VCPKMT: variants seen among roughly 807,000 people sequenced by gnomAD.
VCPKMT encodes the protein protein N-lysine methyltransferase METTL21D.
A neutral mutation model predicts 28.6 loss-of-function variants in VCPKMT; 32 were observed. That is an observed-to-expected ratio of 1.12 (90% CI 0.84 to 1.50). The LOEUF is 1.50. VCPKMT is among the 40% of genes most tolerant of loss of function. The probability of loss-of-function intolerance (pLI) is 0.00; values close to 1 mark genes in which losing one functional copy is unlikely to be tolerated. For synonymous variants in VCPKMT, 138 were observed against 111.4 expected, an observed-to-expected ratio of 1.24 and a Z score of -1.50; for missense variants, 366 against 285.0, an observed-to-expected ratio of 1.28 and a Z score of -2.05.
At chr14:50,112,745 C>T in intron 4 of VCPKMT, 26 bp from the exon 5 acceptor site, 2 of 1,465,964 alleles carry the variant, frequency 1.4e-6, no homozygotes, top group African/African-American at 1.4e-5. Context: ...AGACATACTT[C>T]AAATTCAATA....
At chr14:50,114,219 G>C in intron 4 of VCPKMT, 66 bp downstream of exon 4, 4 of 1,354,762 alleles carry the variant, frequency 3.0e-6, no homozygotes, top group South Asian at 4.4e-5. Flanking sequence ...TAATATACTT[G>C]AAGAGTCACA....
intron 5 of VCPKMT, among the ~76,000 whole-genome samples, chr14:50,110,860 A>G (rs887660835): frequency 3.3e-5 from 5 of 152,256 alleles, no homozygotes; most frequent in Non-Finnish European, 5.9e-5. Flanking sequence ...TACAATGTAG[A>G]TAAGGCTCGA....
At chr14:50,105,097 T>G (rs1357606821), downstream of VCPKMT, among the ~76,000 whole-genome samples, 4 of 152,186 alleles carry the variant, frequency 2.6e-5, no homozygotes, top group Admixed American at 2.6e-4. Context: ...TAGATTCTAT[T>G]TTAACAACTT....
downstream of VCPKMT, among the ~76,000 whole-genome samples, chr14:50,107,939 A>C (rs1246800838): frequency 6.6e-6 from 1 of 152,124 alleles, no homozygotes; most frequent in East Asian, 1.9e-4. Context: ...TAGTAATCCC[A>C]GCACTTTCCG....
chr14:50,108,251 A>G (rs970061078), downstream of VCPKMT, among the ~76,000 whole-genome samples: 3 of 152,004 alleles, frequency 2.0e-5, no homozygotes, highest in African/African-American at 7.2e-5. Context: ...GTGAAAAGAC[A>G]TTTAAGGAAC....
chr14:50,109,562 T>C lies in VCPKMT; in HGVS notation c.*137A>G, dbSNP rs1882496131. ...TGCAGACAGCCCCTGGTGGTCATCA[T>C]CTATACATCGGATCTCTAAGGACGT... On this transcript the variant is annotated 3_prime_UTR_variant, in exon 6 of 6. Transcript: ENST00000395860. 7.2e-7 allele frequency: 1 copy of C among 1,385,916 alleles called. No individual in the cohort carries two copies. The highest frequency in any genetic ancestry group is 1.5e-5 in the African/African-American group (1 of 66,326). 85.9% of individuals were successfully genotyped at this position (1,385,916 alleles called of 1,614,324 possible). A position where few individuals can be genotyped will look rare whatever the true frequency, so the allele number is the denominator to read the frequency against.
chr14:50,110,686 T>G (rs1005468197), intron 5 of VCPKMT, among the ~76,000 whole-genome samples: 6 of 152,212 alleles, frequency 3.9e-5, no homozygotes, highest in Non-Finnish European at 8.8e-5. Context: ...GCAGTTCTCC[T>G]CTAGGTATAT....
At position 50,115,715 on chromosome 14, in the gene VCPKMT, C is replaced by T. The variant is rs1883111702; in HGVS notation, c.450+124G>A. 1.5e-5 allele frequency: 16 copies of T among 1,092,102 alleles called. No homozygotes were observed. In the East Asian group the frequency reaches 3.6e-4, roughly 25 times the overall value. The allele number at this position is 1,092,102 out of a possible 1,614,324, so 67.7% of individuals were successfully genotyped here. ...CCTGGTGACTTTTATCTTCTCTTTA[C>T]TGCATCAACTATAAGGCAAATCCCG... On this transcript the variant is annotated intron_variant, in intron 3 of 5. Transcript: ENST00000395860.
In VCPKMT at chr14:50,108,888, C is replaced by A; in HGVS notation, c.*811G>T. On this transcript the variant is annotated 3_prime_UTR_variant, in exon 6 of 6. Coordinates refer to ENST00000395860, the MANE Select transcript of VCPKMT (RefSeq NM_024558.3). ...CTTTCACTGCTTCATGTAAACAATACCAGTATTTTTAAGCCAGATTTTCCT... is the reference window on the plus strand; with the variant it reads ...CTTTCACTGCTTCATGTAAACAATAACAGTATTTTTAAGCCAGATTTTCCT... 4.1e-6 allele frequency: 4 copies of A among 985,412 alleles called. No homozygotes were observed. The highest frequency in any genetic ancestry group is 4.8e-6 in the Non-Finnish European group (4 of 829,930). The allele number at this position is 985,412 out of a possible 1,614,324, so 61.0% of individuals were successfully genotyped here.
chr14:50,104,466 TTTTC>T (rs1453067913), downstream of VCPKMT, among the ~76,000 whole-genome samples: 2 of 152,208 alleles, frequency 1.3e-5, no homozygotes, highest in Non-Finnish European at 2.9e-5. Flanking sequence ...GTTGCAACAG[TTTTC>T]TTTTTCTGTA....
chr14:50,115,975 G>T, intron 2 of VCPKMT, 64 bp from the exon 3 acceptor site: 2 of 1,597,284 alleles, frequency 1.3e-6, no homozygotes, highest in South Asian at 2.2e-5. Flanking sequence ...GTTTTATAAA[G>T]AACCGGAAAG....
intron 5 of VCPKMT, chr14:50,112,129 C>G (rs993683170): frequency 1.1e-6 from 1 of 921,360 alleles, no homozygotes; most frequent in Admixed American, 6.2e-5. Flanking sequence ...AAGGTAAGAG[C>G]AGGCATTTTA....
Position 50,115,903 on chromosome 14 carries a change from T to C in VCPKMT, c.386A>G (p.Glu129Gly). The C allele has an allele frequency of 6.2e-7, 1 of 1,613,460 alleles. No homozygotes were observed. Among genetic ancestry groups the C allele is most frequent in the Non-Finnish European group, 8.5e-7 (1 of 1,179,438 alleles). Reference sequence around the variant, plus strand: ...GGGTGGAGAAGGAAAGCCTTCTATTTCTTCCCCCCTTAAAAATGCCAAACA... The same window carrying C: ...GGGTGGAGAAGGAAAGCCTTCTATTCCTTCCCCCCTTAAAAATGCCAAACA... ...VQAKVLKWGE[E>G]IEGFPSPPDF... Residue 129 changes from glutamate to glycine, a missense_variant, in exon 3 of 6, where the codon GAA becomes GGA. Glu to Gly is a moderately conservative substitution (Grantham distance 98). Transcript: ENST00000395860.
In VCPKMT at chr14:50,108,925, A is replaced by G. The variant is rs1882452082; in HGVS notation, c.*774T>C. On this transcript the variant is annotated 3_prime_UTR_variant, in exon 6 of 6. Transcript: ENST00000395860. Reference sequence around the variant, plus strand: ...AGCCAGATTTTCCTGGAACATATACATAAAGTGCATGAGCCACGTAAGTGC... The same window carrying G: ...AGCCAGATTTTCCTGGAACATATACGTAAAGTGCATGAGCCACGTAAGTGC... 2 of 985,368 alleles carry G rather than the reference A, an allele frequency of 2.0e-6. No homozygotes were observed. The highest frequency in any genetic ancestry group is 1.2e-6 in the Non-Finnish European group (1 of 829,954). The allele number at this position is 985,368 out of a possible 1,614,324, so 61.0% of individuals were successfully genotyped here.
At chr14:50,105,879 T>C (rs1882303769), downstream of VCPKMT, among the ~76,000 whole-genome samples, 1 of 152,202 alleles carries the variant, frequency 6.6e-6, no homozygotes, top group South Asian at 2.1e-4. Context: ...CCAGATTCTC[T>C]AATTTTCAGA....
chr14:50,108,026 A>G (rs1566802477), downstream of VCPKMT, among the ~76,000 whole-genome samples: 1 of 151,824 alleles, frequency 6.6e-6, no homozygotes, highest in South Asian at 2.1e-4. Flanking sequence ...CTGACTCTAC[A>G]AAAAATACAA....
At chr14:50,111,839 A>T in intron 5 of VCPKMT, 1 of 899,732 alleles carries the variant, frequency 1.1e-6, no homozygotes, top group Non-Finnish European at 1.3e-6. Context: ...CAGCAAGCCG[A>T]GATTGCACCA....
chr14:50,113,077 C>T (rs113707909), intron 4 of VCPKMT, among the ~76,000 whole-genome samples: 99 of 152,258 alleles, frequency 6.5e-4, no homozygotes, highest in South Asian at 1.9e-3. Context: ...TGAGCCACCG[C>T]GCCTGGTCAG....
the VCPKMT span, among the ~76,000 whole-genome samples, chr14:50,103,479 C>G: frequency 6.6e-6 from 1 of 152,158 alleles, no homozygotes; most frequent in Non-Finnish European, 1.5e-5. Context: ...CCCATCTGGT[C>G]TCAGGTTTAG....
Sources: gnomAD v4.1 joint callset for allele counts (sites outside exome capture counted in the v4.1 genomes callset) on GRCh38, gnomAD v4.1.1 for gene constraint, MANE v1.5 for transcripts, NCBI Gene and HGNC (gene_info 2026-07-23, HGNC 2026-07-21) for gene names.